The following EFCAB9 variants were observed in gnomAD, a reference collection of about 807,000 sequenced individuals.
EFCAB9 encodes the protein EF-hand calcium binding domain 9, also known as EF-hand calcium-binding domain-containing protein 9.
A neutral mutation model predicts 15.6 loss-of-function variants in EFCAB9; 16 were observed. The ratio of observed to expected loss-of-function variants is 1.03; its 90% CI spans 0.69 to 1.56. The LOEUF (loss-of-function observed/expected upper bound fraction) is 1.56. Among genes scored for constraint, EFCAB9 ranks in the 40% most tolerant of loss-of-function variants. The pLI is 0.00. For synonymous variants in EFCAB9, 76 were observed against 85.4 expected, an observed-to-expected ratio of 0.89 and a Z score of 0.61; for missense variants, 208 against 235.4, an observed-to-expected ratio of 0.88 and a Z score of 0.76.
intron 3 of EFCAB9, 86 bp downstream of exon 3, chr5:172,200,828 G>A: frequency 7.6e-7 from 1 of 1,323,292 alleles, no homozygotes; most frequent in African/African-American, 1.5e-5. Flanking sequence ...TAGGAGAGAT[G>A]GGAGAGGAGG....
Position 172,199,446 on chromosome 5 carries a change from T to G in EFCAB9, c.200T>G (p.Val67Gly), listed in dbSNP as rs992946442. ...TTGAAAAAGGCACAGATCAACATTG[T>G]GTTTGACATGCTGGACTGGAACGCT... ...TDLKKAQINI[V>G]FDMLDWNAVG... Residue 67 changes from valine (V) to glycine (G), a missense_variant, in exon 2 of 4, where the codon GTG becomes GGG. Physicochemically the swap from Val to Gly is moderately radical, Grantham distance 109 (BLOSUM62 -3). Coordinates refer to ENST00000398186, the MANE Select transcript of EFCAB9 (RefSeq NM_001171183.2). 1.3e-6 allele frequency: 2 copies of G among 1,537,310 alleles called. No homozygotes were observed. The highest frequency in any genetic ancestry group is 1.7e-6 in the Non-Finnish European group (2 of 1,146,916).
intron 1 of EFCAB9, among the ~76,000 whole-genome samples, chr5:172,197,744 G>A (rs1356732372): frequency 6.6e-6 from 1 of 152,144 alleles, no homozygotes; most frequent in African/African-American, 2.4e-5. Flanking sequence ...AGAGTAAGCA[G>A]CATCAAGATT....
At chr5:172,195,085 T>C (rs543659414) in intron 1 of EFCAB9, among the ~76,000 whole-genome samples, 52 of 152,140 alleles carry the variant, frequency 3.4e-4, no homozygotes, top group Non-Finnish European at 6.3e-4. Flanking sequence ...GATTTATCTG[T>C]CATGTGGGAA....
Position 172,200,694 on chromosome 5 carries a change from AC to A in EFCAB9, c.415del (p.Gln139ArgfsTer80), listed in dbSNP as rs1291282430. ...MYRFLFNIQKQELKDLFRDFD... is the reference protein window; with the variant it reads ...MYRFLFNIQKXELKDLFRDFD... ...ACAGATTTCTCTTCAATATTCAAAAACAGGAACTCAAAGATCTCTTCCGTGA... is the reference window on the plus strand; with the variant it reads ...ACAGATTTCTCTTCAATATTCAAAAAAGGAACTCAAAGATCTCTTCCGTGA... On this transcript the variant is annotated frameshift_variant, in exon 3 of 4. Coordinates refer to ENST00000398186, the MANE Select transcript of EFCAB9 (RefSeq NM_001171183.2). LOFTEE classifies it low-confidence loss of function (END_TRUNC). 6.5e-6 allele frequency: 10 copies of A among 1,537,484 alleles called. No individual in the cohort carries two copies. Among genetic ancestry groups the A allele is most frequent in the African/African-American group, 1.4e-5 (1 of 73,024 alleles).
chr5:172,203,252 C>T lies in EFCAB9; in HGVS notation c.501C>T (p.Ile167=). The change falls in exon 4 of 4, where the codon ATC becomes ATT. Residue 167 remains isoleucine (I), a synonymous_variant. Coordinates refer to ENST00000398186, the MANE Select transcript of EFCAB9 (RefSeq NM_001171183.2). ...AGGAATTTAAGCTGTATACAATCAT[C>T]TACACTGACAAATTACAGAAGAGGC... ...NYQEFKLYTI[I]YTDKLQKRQK... 6.5e-7 allele frequency: 1 copy of T among 1,536,280 alleles called. No homozygotes were observed. The highest frequency in any genetic ancestry group is 8.7e-7 in the Non-Finnish European group (1 of 1,146,518).
intron 1 of EFCAB9, among the ~76,000 whole-genome samples, chr5:172,194,778 C>G (rs1051778583): frequency 6.6e-6 from 1 of 152,034 alleles, no homozygotes; most frequent in Non-Finnish European, 1.5e-5. Flanking sequence ...ACAGTTCAGC[C>G]GGGAGGAGAA....
rs1771285981 is a variant in EFCAB9, at chr5:172,203,197, C to A, written c.463-17C>A. ...TTTCCTGAAATAATTTTTCTTTCCC[C>A]CCCACCCTAACCAAAGCGTCTTAAT... On this transcript the variant is annotated splice_polypyrimidine_tract_variant and intron_variant, in intron 3 of 3. Coordinates refer to ENST00000398186, the MANE Select transcript of EFCAB9 (RefSeq NM_001171183.2). 1.4e-6 allele frequency: 2 copies of A among 1,429,800 alleles called. No homozygotes were observed. Among genetic ancestry groups the A allele is most frequent in the Admixed American group, 5.6e-5 (2 of 35,800 alleles). The allele number at this position is 1,429,800 out of a possible 1,614,324, so 88.6% of individuals were successfully genotyped here.
chr5:172,203,411 G>T lies in EFCAB9; in HGVS notation c.*66G>T, dbSNP rs1480313718. On this transcript the variant is annotated 3_prime_UTR_variant, in exon 4 of 4. Transcript: ENST00000398186. ...AGTACAGAACATGAACATTGATGAA[G>T]ACTGTTAACATGTCTAAAAATAAAT... is the stretch of plus-strand genomic sequence containing the variant. 6.8e-7 allele frequency: 1 copy of T among 1,476,366 alleles called. No individual in the cohort carries two copies. The highest frequency in any genetic ancestry group is 1.4e-5 in the African/African-American group (1 of 70,158). 91.5% of individuals were successfully genotyped at this position (1,476,366 alleles called of 1,614,324 possible). A position where few individuals can be genotyped will look rare whatever the true frequency, so the allele number is the denominator to read the frequency against.
rs749968228 is a variant in EFCAB9, at chr5:172,200,570, A to G, written c.290A>G (p.His97Arg). 1.3e-6 allele frequency: 2 copies of G among 1,535,630 alleles called. No individual in the cohort carries two copies. The highest frequency in any genetic ancestry group is 1.7e-6 in the Non-Finnish European group (2 of 1,146,356). ...CACCTATTTCTCTCGCAATAGAACC[A>G]TTTGGAAGGACAGTTTATGTATCGT... ...LVCMLLAHQN[H>R]LEGQFMYRHS... Residue 97 changes from histidine to arginine, a missense_variant, in exon 3 of 4, where the codon CAT (histidine) becomes CGT (arginine). Coordinates refer to ENST00000398186, the MANE Select transcript of EFCAB9 (RefSeq NM_001171183.2).
At chr5:172,200,480 C>G in intron 2 of EFCAB9, 86 bp from the exon 3 acceptor site, 2 of 1,329,368 alleles carry the variant, frequency 1.5e-6, no homozygotes, top group South Asian at 3.1e-5. Flanking sequence ...AGGGAAGGGG[C>G]TGGTGAAGAT....
intron 3 of EFCAB9, among the ~76,000 whole-genome samples, chr5:172,202,467 G>A (rs1771272577): frequency 6.6e-6 from 1 of 152,076 alleles, no homozygotes; most frequent in Admixed American, 6.6e-5. Context: ...CAACATTTTG[G>A]GAGGCTGGGG....
intron 1 of EFCAB9, among the ~76,000 whole-genome samples, chr5:172,198,807 G>A (rs538449101): frequency 7.6e-4 from 116 of 152,254 alleles, no homozygotes; most frequent in Admixed American, 7.3e-3. Context: ...GTAGAGACAG[G>A]GTTTCACCAT....
rs983754394 is a variant in EFCAB9, at chr5:172,200,563, T to C, written c.286-3T>C. The C allele has an allele frequency of 2.4e-5, 37 of 1,534,928 alleles. No homozygotes were observed. In the Admixed American group the frequency reaches 4.4e-4, roughly 18 times the overall value. On this transcript the variant is annotated splice_region_variant and splice_polypyrimidine_tract_variant and intron_variant, in intron 2 of 3. Coordinates refer to ENST00000398186, the MANE Select transcript of EFCAB9 (RefSeq NM_001171183.2). Reference sequence around the variant, plus strand: ...CTCATCTCACCTATTTCTCTCGCAATAGAACCATTTGGAAGGACAGTTTAT... The same window carrying C: ...CTCATCTCACCTATTTCTCTCGCAACAGAACCATTTGGAAGGACAGTTTAT...
At chr5:172,197,631 G>A (rs536453276) in intron 1 of EFCAB9, among the ~76,000 whole-genome samples, 1 of 152,312 alleles carries the variant, frequency 6.6e-6, no homozygotes, top group Admixed American at 6.5e-5. Context: ...TATTGTGTCT[G>A]GTGTTGGTTC....
chr5:172,201,472 G>A (rs770262303), intron 3 of EFCAB9, among the ~76,000 whole-genome samples: 9 of 152,154 alleles, frequency 5.9e-5, no homozygotes, highest in East Asian at 3.9e-4. Context: ...ACTTGAATCC[G>A]GGAGGCGGAG....
At chr5:172,199,932 CTTTTTTTTTT>C (rs34086491) in intron 2 of EFCAB9, among the ~76,000 whole-genome samples, 2 of 102,334 alleles carry the variant, frequency 2.0e-5, no homozygotes, top group Non-Finnish European at 3.8e-5. Flanking sequence ...ACCCAGTTTC[CTTTTTTTTTT>C]TTTTTTTTTT....
At chr5:172,196,766 G>A (rs1561842302) in intron 1 of EFCAB9, among the ~76,000 whole-genome samples, 1 of 152,126 alleles carries the variant, frequency 6.6e-6, no homozygotes, top group Non-Finnish European at 1.5e-5. Context: ...CCTTGTTACT[G>A]TAATTTGTAC....
chr5:172,194,226 C>T lies in EFCAB9; in HGVS notation c.54C>T (p.Tyr18=). Residue 18 remains tyrosine, a synonymous_variant, in exon 1 of 4, where the codon TAC becomes TAT. Coordinates refer to ENST00000398186, the MANE Select transcript of EFCAB9 (RefSeq NM_001171183.2). The part of the protein sequence containing the change: ...FLWYLYLDKI[Y]CLLSVRNVKA... ...GGTACCTCTATCTGGACAAAATATACTGCTTATTATCCGTGAGAAACGTGA... is the reference window on the plus strand; with the variant it reads ...GGTACCTCTATCTGGACAAAATATATTGCTTATTATCCGTGAGAAACGTGA... 1 of 1,537,712 alleles carries T rather than the reference C, an allele frequency of 6.5e-7. No homozygotes were observed. The highest frequency in any genetic ancestry group is 8.7e-7 in the Non-Finnish European group (1 of 1,147,024).
intron 3 of EFCAB9, among the ~76,000 whole-genome samples, chr5:172,202,954 G>A (rs1265925014): frequency 6.6e-6 from 1 of 152,040 alleles, no homozygotes; most frequent in Non-Finnish European, 1.5e-5. Flanking sequence ...AGCCGAGATA[G>A]CGCCACTGCA....
Sources: allele counts gnomAD v4.1 joint callset (sites outside exome capture counted in the v4.1 genomes callset), GRCh38; gene constraint gnomAD v4.1.1; transcripts MANE v1.5; gene names NCBI Gene and HGNC (gene_info 2026-07-23, HGNC 2026-07-21).